TAF8: variants seen among roughly 807,000 people sequenced by gnomAD.
The protein encoded by TAF8 is transcription initiation factor TFIID subunit 8.
A neutral mutation model predicts 36.5 loss-of-function variants in TAF8; 47 were observed. The ratio of observed to expected loss-of-function variants is 1.29; its 90% confidence interval spans 1.02 to 1.64. The LOEUF is 1.64. TAF8 is among the 40% of genes most tolerant of loss of function. The pLI, the probability that TAF8 is intolerant of heterozygous loss-of-function variation, is 0.00. For missense variants in TAF8, 420 were observed against 407.6 expected (o/e 1.03, Z -0.26); for synonymous variants, 175 against 159.5 (o/e 1.10, Z -0.73).
Position 42,079,239 on chromosome 6 carries a change from G to A in TAF8, c.*1694G>A. The A allele has an allele frequency of 1.0e-6, 1 of 985,606 alleles. No individual in the cohort carries two copies. Among genetic ancestry groups the A allele is most frequent in the Non-Finnish European group, 1.2e-6 (1 of 830,002 alleles). 61.1% of individuals were successfully genotyped at this position (985,606 alleles called of 1,614,324 possible). A position where few individuals can be genotyped will look rare whatever the true frequency, so the allele number is the denominator to read the frequency against. ...AAAGCTGAGAAACGGCTGGTCAGCT[G>A]GAAGGCTGGTGGATGGGCAGGAGTG... On this transcript the variant is annotated 3_prime_UTR_variant, in exon 9 of 9. Transcript: ENST00000372977.
At position 42,079,442 on chromosome 6, in the gene TAF8, A is replaced by C. The variant is rs1042891513; in HGVS notation, c.*1897A>C. 4 of 985,452 alleles carry C rather than the reference A, an allele frequency of 4.1e-6. No homozygotes were observed. Among genetic ancestry groups the C allele is most frequent in the Non-Finnish European group, 4.8e-6 (4 of 829,932 alleles). The allele number at this position is 985,452 out of a possible 1,614,324, so 61.0% of individuals were successfully genotyped here. On this transcript the variant is annotated 3_prime_UTR_variant, in exon 9 of 9. Transcript: ENST00000372977. ...TCCTAAGGAAGAGTTTTTAAAACTA[A>C]ATCCAAGGAAGAAAAATGTAACAAC...
Position 42,055,562 on chromosome 6 carries a change from T to G in TAF8, c.234T>G (p.Ser78=). Residue 78 remains serine, a synonymous_variant, in exon 3 of 9, where the codon TCT becomes TCG. Coordinates refer to ENST00000372977, the MANE Select transcript of TAF8 (RefSeq NM_138572.3). ...CAGAAATTGGGAGAAGTGCCAAGTCTTACTGTGAGCACACAGCCAGGACCC... is the reference window on the plus strand; with the variant it reads ...CAGAAATTGGGAGAAGTGCCAAGTCGTACTGTGAGCACACAGCCAGGACCC... ...YISEIGRSAK[S]YCEHTARTQP... 6.2e-7 allele frequency: 1 copy of G among 1,614,228 alleles called. No individual in the cohort carries two copies. Among genetic ancestry groups the G allele is most frequent in the Middle Eastern group, 1.6e-4 (1 of 6,062 alleles).
At chr6:42,056,331 G>A in intron 4 of TAF8, 1 of 274,456 alleles carries the variant, frequency 3.6e-6, no homozygotes, top group Non-Finnish European at 7.1e-6. Context: ...TGTGGCCTAT[G>A]GGCCAAATGC....
chr6:42,079,514 A>C lies in TAF8; in HGVS notation c.*1969A>C. The C allele has an allele frequency of 1.0e-6, 1 of 985,362 alleles. No individual in the cohort carries two copies. The highest frequency in any genetic ancestry group is 1.2e-6 in the Non-Finnish European group (1 of 829,922). The allele number at this position is 985,362 out of a possible 1,614,324, so 61.0% of individuals were successfully genotyped here. Reference sequence around the variant, plus strand: ...GAATAAGCTTGTTTCCCAAATTAGAATCCTAACGTCCATATTTAGCTTCAT... The same window carrying C: ...GAATAAGCTTGTTTCCCAAATTAGACTCCTAACGTCCATATTTAGCTTCAT... On this transcript the variant is annotated 3_prime_UTR_variant, in exon 9 of 9. Transcript: ENST00000372977.
At chr6:42,076,186 A>G (rs1219482246) in intron 7 of TAF8, among the ~76,000 whole-genome samples, 4 of 146,756 alleles carry the variant, frequency 2.7e-5, no homozygotes, top group African/African-American at 2.5e-5. Flanking sequence ...CAGCCTGGGT[A>G]ACAGAAGAAG....
Position 42,066,423 on chromosome 6 carries a change from C to CA in TAF8, c.602dup (p.Ser202GlufsTer6), listed in dbSNP as rs746777063. Reference sequence around the variant, plus strand: ...TTTCATGGCCAAGACAGGCGAGACTCAGAGTCTTTTCAAAGATGACGTCAG... The same window carrying CA: ...TTTCATGGCCAAGACAGGCGAGACTCAAGAGTCTTTTCAAAGATGACGTCAG... On this transcript the variant is annotated frameshift_variant, in exon 6 of 9. Coordinates refer to ENST00000372977, the MANE Select transcript of TAF8 (RefSeq NM_138572.3). LOFTEE classifies it high-confidence loss of function. 16 of 1,614,108 alleles carry CA rather than the reference C, an allele frequency of 9.9e-6. No homozygotes were observed. The highest frequency in any genetic ancestry group is 1.3e-5 in the African/African-American group (1 of 74,950).
chr6:42,055,634 G>T lies in TAF8; in HGVS notation c.301+5G>T. 2 of 1,610,728 alleles carry T rather than the reference G, an allele frequency of 1.2e-6. No individual in the cohort carries two copies. The highest frequency in any genetic ancestry group is 4.5e-5 in the East Asian group (2 of 44,874). On this transcript the variant is annotated splice_donor_5th_base_variant and intron_variant, in intron 3 of 8. Transcript: ENST00000372977. ...TGGTCACACTTGTTGAGATGGGTGAGTATACCTTCAGTTTCCAGTTCTTCG... is the reference window on the plus strand; with the variant it reads ...TGGTCACACTTGTTGAGATGGGTGATTATACCTTCAGTTTCCAGTTCTTCG...
At chr6:42,064,029 A>G (rs779781234) in intron 5 of TAF8, among the ~76,000 whole-genome samples, 1 of 152,214 alleles carries the variant, frequency 6.6e-6, no homozygotes, top group African/African-American at 2.4e-5. Context: ...GTACATCACA[A>G]ACATATGTAA....
rs1171912515 is a variant in TAF8 at position 42,078,694 on chromosome 6, GC to G, written c.*1153del. The G allele has an allele frequency of 1.3e-5, 13 of 985,332 alleles. No individual in the cohort carries two copies. Among genetic ancestry groups the G allele is most frequent in the Non-Finnish European group, 1.6e-5 (13 of 829,956 alleles). The allele number at this position is 985,332 out of a possible 1,614,324, so 61.0% of individuals were successfully genotyped here. Reference sequence around the variant, plus strand: ...CCTCCTGAGAGATTTACCATTTATTGCCCCTGTGAGGAATGTGTGCTTGGGA... The same window carrying G: ...CCTCCTGAGAGATTTACCATTTATTGCCCTGTGAGGAATGTGTGCTTGGGA... On this transcript the variant is annotated 3_prime_UTR_variant, in exon 9 of 9. Transcript: ENST00000372977.
intron 5 of TAF8, among the ~76,000 whole-genome samples, chr6:42,064,214 A>G (rs1043580892): frequency 6.6e-6 from 1 of 152,076 alleles, no homozygotes. Context: ...CAAGTACAAT[A>G]TGTTCAAAAT....
intron 2 of TAF8, 77 bp downstream of exon 2, chr6:42,051,590 G>A: frequency 1.3e-6 from 2 of 1,486,836 alleles, no homozygotes; most frequent in Non-Finnish European, 1.8e-6. Flanking sequence ...TAGTGTTTGA[G>A]AGGATTTAAG....
At position 42,068,398 on chromosome 6, in the gene TAF8, C is replaced by G. The variant is rs1184758825; in HGVS notation, c.638-67C>G. On this transcript the variant is annotated intron_variant, in intron 6 of 8. Transcript: ENST00000372977. ...CTGCTCACTGATTTGTTGTGAGGCT[C>G]TAGGACTCTAAGCCAGCTGCGAGGT... The G allele has an allele frequency of 1.1e-5, 17 of 1,587,298 alleles. No individual in the cohort carries two copies. The East Asian group carries it at 3.4e-4, about 31-fold the overall frequency.
rs749425023 is a variant in TAF8 at position 42,066,440 on chromosome 6, T to A, written c.618T>A (p.Asp206Glu). ...KTGETQSLFKDDVSTFPLIAA... is the reference protein window; with the variant it reads ...KTGETQSLFKEDVSTFPLIAA... ...GCGAGACTCAGAGTCTTTTCAAAGATGACGTCAGCACATTTCCATGTGAGA... is the reference window on the plus strand; with the variant it reads ...GCGAGACTCAGAGTCTTTTCAAAGAAGACGTCAGCACATTTCCATGTGAGA... The change falls in exon 6 of 9, where the codon GAT becomes GAA. Residue 206 changes from aspartate to glutamate, a missense_variant. By Grantham distance (45) the Asp-to-Glu change is conservative. Transcript: ENST00000372977. 1.2e-6 allele frequency: 2 copies of A among 1,614,200 alleles called. No individual in the cohort carries two copies. The highest frequency in any genetic ancestry group is 1.7e-6 in the Non-Finnish European group (2 of 1,180,026).
chr6:42,078,714 C>T lies in TAF8; in HGVS notation c.*1169C>T, dbSNP rs1050516079. The T allele has an allele frequency of 1.0e-6, 1 of 985,448 alleles. No individual in the cohort carries two copies. Among genetic ancestry groups the T allele is most frequent in the Non-Finnish European group, 1.2e-6 (1 of 829,956 alleles). The allele number at this position is 985,448 out of a possible 1,614,324, so 61.0% of individuals were successfully genotyped here. A position where few individuals can be genotyped will look rare whatever the true frequency, so the allele number is the denominator to read the frequency against. ...TTATTGCCCCTGTGAGGAATGTGTG[C>T]TTGGGAACTGCCAAGTCTTACCCCT... On this transcript the variant is annotated 3_prime_UTR_variant, in exon 9 of 9. Transcript: ENST00000372977.
intron 5 of TAF8, chr6:42,057,853 C>A (rs1765061580): frequency 3.1e-6 from 1 of 321,830 alleles, no homozygotes; most frequent in Admixed American, 4.6e-5. Context: ...TCAAGTTTGC[C>A]AGCTAAAGTA....
chr6:42,081,149 C>A lies in TAF8; in HGVS notation c.*3604C>A. 5.6e-6 allele frequency: 1 copy of A among 179,126 alleles called. No homozygotes were observed. Among genetic ancestry groups the A allele is most frequent in the Non-Finnish European group, 1.1e-5 (1 of 95,110 alleles). The allele number at this position is 179,126 out of a possible 1,614,324, so 11.1% of individuals were successfully genotyped here. ...TCATCTGTTTCTCCCACTTTTTGTC[C>A]TTTATTTTCTTTCCTCCTGGAGTGT... On this transcript the variant is annotated 3_prime_UTR_variant, in exon 9 of 9. Transcript: ENST00000372977.
chr6:42,058,385 GAAAT>G (rs1304930872), intron 5 of TAF8, among the ~76,000 whole-genome samples: 1 of 152,042 alleles, frequency 6.6e-6, no homozygotes, highest in Non-Finnish European at 1.5e-5. Context: ...GTCTCAAAAA[GAAAT>G]AAATAAAAAT....
chr6:42,067,941 A>G (rs1765423841), intron 6 of TAF8, among the ~76,000 whole-genome samples: 1 of 152,134 alleles, frequency 6.6e-6, no homozygotes, highest in South Asian at 2.1e-4. Context: ...TAGAACTCTC[A>G]TTGACCAGAG....
chr6:42,070,360 C>T (rs1765523315), intron 7 of TAF8, among the ~76,000 whole-genome samples: 1 of 151,848 alleles, frequency 6.6e-6, no homozygotes, highest in Admixed American at 6.6e-5. Context: ...GGCGTGGTGG[C>T]AGGCGCCTGT....
Sources: gnomAD v4.1 joint callset for allele counts (sites outside exome capture counted in the v4.1 genomes callset) on GRCh38, gnomAD v4.1.1 for gene constraint, MANE v1.5 for transcripts, NCBI Gene and HGNC (gene_info 2026-07-23, HGNC 2026-07-21) for gene names.